Variants in FRMPD1 observed in about 807,000 individuals in gnomAD.
FRMPD1 encodes the protein FERM and PDZ domain containing 1, also known as FERM and PDZ domain-containing protein 1.
FRMPD1 carries 76 observed loss-of-function variants against 117.8 expected under a neutral mutation model. The ratio of observed to expected loss-of-function variants is 0.65; its 90% CI spans 0.54 to 0.78. The LOEUF (loss-of-function observed/expected upper bound fraction) is 0.78, where lower values mean the gene tolerates loss of function less well. FRMPD1 is among the 30% of genes least tolerant of loss of function. FRMPD1 has a pLI of 0.00. For missense variants in FRMPD1, 1,786 were observed against 1,964.5 expected (o/e 0.91, Z 1.72); for synonymous variants, 783 against 770.4 (o/e 1.02, Z -0.27).
chr9:37,607,239 C>A, the FRMPD1 span, among the ~76,000 whole-genome samples: 4 of 152,070 alleles, frequency 2.6e-5, no homozygotes, highest in African/African-American at 9.7e-5. Flanking sequence ...TCACTTGAAC[C>A]CGAGAGGCGG....
chr9:37,680,219 A>G (rs556433092), intron 1 of FRMPD1, among the ~76,000 whole-genome samples: 53 of 152,272 alleles, frequency 3.5e-4, no homozygotes, highest in African/African-American at 1.3e-3. Flanking sequence ...AGCCCTTTCT[A>G]AGAGATGTCT....
intron 1 of FRMPD1, among the ~76,000 whole-genome samples, chr9:37,670,886 C>T (rs909497416): frequency 2.0e-5 from 3 of 152,276 alleles, no homozygotes; most frequent in South Asian, 2.1e-4. Context: ...TTCTGGTGAT[C>T]GTTGGATTTT....
Position 37,707,464 on chromosome 9 carries a change from C to G in FRMPD1, c.150C>G (p.Thr50=), listed in dbSNP as rs1238319235. The G allele has an allele frequency of 1.9e-6, 3 of 1,613,994 alleles. No homozygotes were observed. Among genetic ancestry groups the G allele is most frequent in the Non-Finnish European group, 2.5e-6 (3 of 1,179,904 alleles). The change falls in exon 3 of 16, where the codon ACC becomes ACG. Residue 50 remains threonine (T), a synonymous_variant. Transcript: ENST00000377765. ...ADGPARNPTQ[T]LIPVRHTVKI... is the part of the protein sequence containing the mutation. ...GGCCCGCCAGGAACCCAACTCAGAC[C>G]CTCATCCCTGTGCGACACACAGTAA...
chr9:37,695,281 G>A (rs183219184), intron 2 of FRMPD1, among the ~76,000 whole-genome samples: 2 of 152,316 alleles, frequency 1.3e-5, no homozygotes, highest in Non-Finnish European at 2.9e-5. Flanking sequence ...CCAGCAGTAT[G>A]TGAGAGTTTC....
intron 1 of FRMPD1, among the ~76,000 whole-genome samples, chr9:37,685,374 T>C (rs1222475860): frequency 2.6e-5 from 4 of 152,122 alleles, no homozygotes; most frequent in African/African-American, 9.7e-5. Context: ...CTGGGCGCAG[T>C]GGCTCACGCC....
intron 4 of FRMPD1, among the ~76,000 whole-genome samples, chr9:37,709,350 GT>G (rs10672208): frequency 6.7e-6 from 1 of 148,904 alleles, no homozygotes; most frequent in Non-Finnish European, 1.5e-5. Context: ...GGTATTAATT[GT>G]TTTTTTTTCC....
At chr9:37,673,940 A>G (rs143557728) in intron 1 of FRMPD1, among the ~76,000 whole-genome samples, 98 of 152,360 alleles carry the variant, frequency 6.4e-4, no homozygotes, top group African/African-American at 2.2e-3. Context: ...CTGTGATGGA[A>G]GGTGCTGCCA....
At position 37,740,993 on chromosome 9, in the gene FRMPD1, G is replaced by C. The variant is rs995277346; in HGVS notation, c.2356+109G>C. 1.2e-6 allele frequency: 1 copy of C among 818,236 alleles called. No homozygotes were observed. Among genetic ancestry groups the C allele is most frequent in the African/African-American group, 1.7e-5 (1 of 59,430 alleles). The allele number at this position is 818,236 out of a possible 1,614,324, so 50.7% of individuals were successfully genotyped here. On this transcript the variant is annotated intron_variant, in intron 15 of 15. Coordinates refer to ENST00000377765, the MANE Select transcript of FRMPD1 (RefSeq NM_014907.3). The surrounding 1 kb of genome is among the most constrained non-coding windows in gnomAD (Gnocchi z 4.2). ...GAGGAAGGCACATGAGTGAAACAGG[G>C]TCCCTGTACACTTCTGAGGAGGTAG...
chr9:37,658,651 A>T (rs62534449), intron 1 of FRMPD1, among the ~76,000 whole-genome samples: 1 of 152,078 alleles, frequency 6.6e-6, no homozygotes, highest in East Asian at 1.9e-4. Flanking sequence ...GCATCACTCC[A>T]GTCTCTGCCT....
rs1689094707 is a variant in FRMPD1, at chr9:37,731,176, G to T, written c.858+73G>T. ...TGGTGCACTGGGTGATTTTGAACGT[G>T]AGCTCGAGGCCATTAAACAACTCCC... is the stretch of plus-strand genomic sequence containing the variant. On this transcript the variant is annotated intron_variant, in intron 9 of 15. Transcript: ENST00000377765. 30 of 1,404,662 alleles carry T rather than the reference G, an allele frequency of 2.1e-5. No homozygotes were observed. In the South Asian group the frequency reaches 3.5e-4, roughly 16 times the overall value. The allele number at this position is 1,404,662 out of a possible 1,614,324, so 87.0% of individuals were successfully genotyped here. A position where few individuals can be genotyped will look rare whatever the true frequency, so the allele number is the denominator to read the frequency against.
intron 1 of FRMPD1, among the ~76,000 whole-genome samples, chr9:37,674,467 C>T (rs1821456431): frequency 6.6e-6 from 1 of 152,230 alleles, no homozygotes; most frequent in Non-Finnish European, 1.5e-5. Context: ...GCCCTCCAAA[C>T]TGTTTCAACC....
the FRMPD1 span, among the ~76,000 whole-genome samples, chr9:37,627,417 A>G: frequency 6.6e-6 from 1 of 152,216 alleles, no homozygotes; most frequent in African/African-American, 2.4e-5. Flanking sequence ...GAGTCTTAAG[A>G]GTTAGAGTCC....
In FRMPD1 at chr9:37,744,723, G is replaced by A; in HGVS notation, c.2691G>A (p.Leu897=). ...LQDMQGEPGL[L]ETKALGLLAP... is the part of the protein sequence containing the mutation. ...ACATGCAGGGTGAGCCTGGCCTTCT[G>A]GAGACCAAGGCCTTGGGGCTGCTGG... The change falls in exon 16 of 16, where the codon CTG becomes CTA. Residue 897 remains leucine (L), a synonymous_variant. Coordinates refer to ENST00000377765, the MANE Select transcript of FRMPD1 (RefSeq NM_014907.3). 1 of 1,613,968 alleles carries A rather than the reference G, an allele frequency of 6.2e-7. No homozygotes were observed. Among genetic ancestry groups the A allele is most frequent in the Non-Finnish European group, 8.5e-7 (1 of 1,179,940 alleles).
intron 5 of FRMPD1, among the ~76,000 whole-genome samples, chr9:37,712,547 G>A (rs1353949179): frequency 6.6e-6 from 1 of 152,062 alleles, no homozygotes; most frequent in Non-Finnish European, 1.5e-5. Flanking sequence ...GTAGAGACAG[G>A]GTTTCGCCAC....
At chr9:37,637,805 C>T in the FRMPD1 span, among the ~76,000 whole-genome samples, 6 of 152,180 alleles carry the variant, frequency 3.9e-5, no homozygotes, top group East Asian at 1.2e-3. Context: ...TGGGAAGGTG[C>T]ATTGAGAAGT....
At chr9:37,650,059 G>T (rs149496530), upstream of FRMPD1, among the ~76,000 whole-genome samples, 21 of 152,292 alleles carry the variant, frequency 1.4e-4, no homozygotes, top group Middle Eastern at 3.4e-3. Context: ...TATTGTTACA[G>T]GAACTGGACT....
At position 37,744,795 on chromosome 9, in the gene FRMPD1, G is replaced by A. The variant is rs1266218016; in HGVS notation, c.2763G>A (p.Met921Ile). 6.2e-7 allele frequency: 1 copy of A among 1,614,080 alleles called. No individual in the cohort carries two copies. Among genetic ancestry groups the A allele is most frequent in the Non-Finnish European group, 8.5e-7 (1 of 1,180,052 alleles). ...GCACAAACCCAGCCTCCAGGGTCAT[G>A]GAGATGGAGCCCGAGACCATGGAAA... Reference protein sequence around the residue: ...TKSTNPASRVMEMEPETMETK... With the variant: ...TKSTNPASRVIEMEPETMETK... Residue 921 changes from methionine (M) to isoleucine (I), a missense_variant, in exon 16 of 16, where the codon ATG (methionine) becomes ATA (isoleucine). Met to Ile is a conservative substitution (Grantham distance 10). Coordinates refer to ENST00000377765, the MANE Select transcript of FRMPD1 (RefSeq NM_014907.3).
At chr9:37,636,333 G>C in the FRMPD1 span, among the ~76,000 whole-genome samples, 2 of 152,206 alleles carry the variant, frequency 1.3e-5, no homozygotes, top group Non-Finnish European at 2.9e-5. Flanking sequence ...CAGGAAGAAG[G>C]GGAAGGAGAG....
upstream of FRMPD1, among the ~76,000 whole-genome samples, chr9:37,650,847 G>C (rs1820646871): frequency 6.8e-6 from 1 of 148,026 alleles, no homozygotes; most frequent in Non-Finnish European, 1.5e-5. Context: ...GGGTCGCGGC[G>C]CCGGCAGCTG....
Sources: allele counts gnomAD v4.1 joint callset (sites outside exome capture counted in the v4.1 genomes callset), GRCh38; gene constraint gnomAD v4.1.1; non-coding constraint Gnocchi (gnomAD v3.1); transcripts MANE v1.5; gene names NCBI Gene and HGNC (gene_info 2026-07-23, HGNC 2026-07-21).